Variants in DNAJC27 observed in about 807,000 individuals in gnomAD.
DNAJC27 encodes dnaJ homolog subfamily C member 27.
DNAJC27 carries 25 observed loss-of-function variants against 31.4 expected under a neutral mutation model. That is an observed-to-expected ratio of 0.80 (90% CI 0.58 to 1.11). DNAJC27 has a LOEUF of 1.11. Among genes scored for constraint, DNAJC27 ranks in the 50% most tolerant of loss-of-function variants. The pLI is 0.00. For synonymous variants in DNAJC27, 106 were observed against 112.7 expected, an observed-to-expected ratio of 0.94 and a Z score of 0.37; for missense variants, 356 against 347.3, an observed-to-expected ratio of 1.02 and a Z score of -0.20.
At chr2:24,965,153 C>T (rs1455331654) in intron 2 of DNAJC27, among the ~76,000 whole-genome samples, 1 of 151,646 alleles carries the variant, frequency 6.6e-6, no homozygotes, top group Non-Finnish European at 1.5e-5. Flanking sequence ...TTGCAGCAAG[C>T]TGAGGTTGCA....
intron 6 of DNAJC27, among the ~76,000 whole-genome samples, chr2:24,948,947 T>C (rs1665705974): frequency 6.6e-6 from 1 of 152,238 alleles, no homozygotes; most frequent in Admixed American, 6.5e-5. Context: ...AATGTGGCTC[T>C]CCAAGTCAGA....
Position 24,951,452 on chromosome 2 carries a change from T to C in DNAJC27, c.631A>G (p.Arg211Gly). 6.2e-7 allele frequency: 1 copy of C among 1,614,030 alleles called. No individual in the cohort carries two copies. Among genetic ancestry groups the C allele is most frequent in the Non-Finnish European group, 8.5e-7 (1 of 1,179,932 alleles). The change falls in exon 6 of 7, where the codon AGA (arginine) becomes GGA (glycine). Residue 211 changes from arginine (R) to glycine (G), a missense_variant. By Grantham distance (125) the Arg-to-Gly change is moderately radical. Coordinates refer to ENST00000264711, the MANE Select transcript of DNAJC27 (RefSeq NM_016544.3). Reference protein sequence around the residue: ...FTKEQADAIRRIRNSKDSWDM... With the variant: ...FTKEQADAIRGIRNSKDSWDM... ...CAACTGTCTTTACTATTTCGAATTC[T>C]GCGAATGGCATCTGCTTGTTCTTTG...
At chr2:24,965,774 A>G (rs1423239849) in intron 2 of DNAJC27, among the ~76,000 whole-genome samples, 2 of 152,138 alleles carry the variant, frequency 1.3e-5, no homozygotes, top group Non-Finnish European at 2.9e-5. Flanking sequence ...TCCACTCTTC[A>G]CCTAATCGAC....
At chr2:24,957,782 C>G in intron 4 of DNAJC27, 28 bp downstream of exon 4, 1 of 1,603,328 alleles carries the variant, frequency 6.2e-7, no homozygotes, top group Non-Finnish European at 8.5e-7. Flanking sequence ...CCCTAGAAAT[C>G]TGAACACACC....
intron 1 of DNAJC27, among the ~76,000 whole-genome samples, chr2:24,971,210 G>A (rs1310320229): frequency 6.6e-6 from 1 of 152,182 alleles, no homozygotes; most frequent in Non-Finnish European, 1.5e-5. Context: ...AACCACAGAT[G>A]GGGCAGAGAG....
intron 5 of DNAJC27, among the ~76,000 whole-genome samples, chr2:24,951,947 C>T (rs1665785330): frequency 6.6e-6 from 1 of 151,924 alleles, no homozygotes; most frequent in African/African-American, 2.4e-5. Context: ...CGTCTCCACA[C>T]ACACAAAAAA....
At position 24,946,399 on chromosome 2, in the gene DNAJC27, G is replaced by A. The variant is rs974830875; in HGVS notation, c.*1217C>T. On this transcript the variant is annotated 3_prime_UTR_variant, in exon 7 of 7. Transcript: ENST00000264711. ...TGGCCAGAAGCCAGGGACTCTAGAG[G>A]AGAGAAATGATGGCAGATGTGGGGT... 2 of 152,390 alleles carry A rather than the reference G, an allele frequency of 1.3e-5. No individual in the cohort carries two copies. Among genetic ancestry groups the A allele is most frequent in the African/African-American group, 4.8e-5 (2 of 41,446 alleles). The allele number at this position is 152,390 out of a possible 1,614,324, so 9.4% of individuals were successfully genotyped here. A position where few individuals can be genotyped will look rare whatever the true frequency, so the allele number is the denominator to read the frequency against.
chr2:24,962,382 G>T (rs981844053), intron 3 of DNAJC27, among the ~76,000 whole-genome samples: 2 of 151,996 alleles, frequency 1.3e-5, no homozygotes, highest in Admixed American at 1.3e-4. Context: ...CAGCCTCCCA[G>T]GAAGCTGGGA....
intron 5 of DNAJC27, 49 bp downstream of exon 5, chr2:24,956,994 G>T (rs1022424163): frequency 1.3e-6 from 2 of 1,564,844 alleles, no homozygotes; most frequent in Non-Finnish European, 1.7e-6. Flanking sequence ...ACTGAAAATT[G>T]GCACAGTGGC....
intron 6 of DNAJC27, 26 bp downstream of exon 6, chr2:24,951,368 A>G (rs1665770039): frequency 6.3e-7 from 1 of 1,585,342 alleles, no homozygotes; most frequent in African/African-American, 1.3e-5. Context: ...GATAGCAATC[A>G]GCACTAAGTA....
Position 24,951,387 on chromosome 2 carries a change from C to A in DNAJC27, c.689+7G>T. 6.2e-7 allele frequency: 1 copy of A among 1,607,594 alleles called. No individual in the cohort carries two copies. ...GCAATCAGCACTAAGTATCCCAGAG[C>A]GCTTACCTTGAGGCCCCAGGTTTGA... On this transcript the variant is annotated splice_region_variant and intron_variant, in intron 6 of 6. Coordinates refer to ENST00000264711, the MANE Select transcript of DNAJC27 (RefSeq NM_016544.3).
intron 1 of DNAJC27, 34 bp from the exon 2 acceptor site, chr2:24,967,327 T>C (rs1259140894): frequency 2.2e-6 from 3 of 1,361,998 alleles, no homozygotes; most frequent in East Asian, 2.3e-5. Flanking sequence ...ATTTAGTAAA[T>C]ACATAGTGAG....
chr2:24,970,761 GA>G (rs539703983), intron 1 of DNAJC27, among the ~76,000 whole-genome samples: 21 of 141,998 alleles, frequency 1.5e-4, no homozygotes, highest in Admixed American at 2.1e-4. Flanking sequence ...CCAGTCCCTA[GA>G]AAAAAAAAAA....
chr2:24,955,862 A>G, intron 5 of DNAJC27, among the ~76,000 whole-genome samples: 1 of 152,230 alleles, frequency 6.6e-6, no homozygotes, highest in Admixed American at 6.5e-5. Flanking sequence ...GCTCTCATAT[A>G]TGAAATGATA....
intron 2 of DNAJC27, among the ~76,000 whole-genome samples, chr2:24,966,139 G>A (rs1666174625): frequency 6.6e-6 from 1 of 152,222 alleles, no homozygotes; most frequent in Non-Finnish European, 1.5e-5. Flanking sequence ...GGGAACAGGA[G>A]AATGTTTATA....
chr2:24,947,689 A>G lies in DNAJC27; in HGVS notation c.749T>C (p.Val250Ala), dbSNP rs1008569629. ...LAVLLHPDKC[V>A]APGSEDAFKA... ...GAAGGCATCTTCACTGCCAGGTGCT[A>G]CACATTTGTCAGGGTGAAGAAGCAC... is the stretch of plus-strand genomic sequence containing the variant. The change falls in exon 7 of 7, where the codon GTA becomes GCA. Residue 250 changes from valine to alanine, a missense_variant. Physicochemically the swap from Val to Ala is moderately conservative, Grantham distance 64. Coordinates refer to ENST00000264711, the MANE Select transcript of DNAJC27 (RefSeq NM_016544.3). 1 of 1,613,876 alleles carries G rather than the reference A, an allele frequency of 6.2e-7. No individual in the cohort carries two copies. The highest frequency in any genetic ancestry group is 1.3e-5 in the African/African-American group (1 of 75,056).
intron 3 of DNAJC27, among the ~76,000 whole-genome samples, chr2:24,960,174 C>G (rs2149126921): frequency 6.6e-6 from 1 of 152,182 alleles, no homozygotes; most frequent in Non-Finnish European, 1.5e-5. Context: ...ACTTATAATA[C>G]TTCAAACTTT....
intron 1 of DNAJC27, among the ~76,000 whole-genome samples, chr2:24,970,792 G>GTTCAAAAAAATGTTGACT (rs1666313187): frequency 6.6e-6 from 1 of 151,702 alleles, no homozygotes; most frequent in Non-Finnish European, 1.5e-5. Flanking sequence ...CACAGCTGAC[G>GTTCAAAAAAATGTTGACT]TTCAAAAAAA....
chr2:24,951,315 G>A (rs1665768575), intron 6 of DNAJC27, 79 bp downstream of exon 6: 1 of 1,373,578 alleles, frequency 7.3e-7, no homozygotes, highest in Admixed American at 2.3e-5. Flanking sequence ...ACTGGAGGAA[G>A]ATATACTGCA....
Sources: allele counts gnomAD v4.1 joint callset (sites outside exome capture counted in the v4.1 genomes callset), GRCh38; gene constraint gnomAD v4.1.1; transcripts MANE v1.5; gene names NCBI Gene and HGNC (gene_info 2026-07-23, HGNC 2026-07-21).